Variants in FGF8 observed in about 807,000 individuals in gnomAD.
FGF8 encodes fibroblast growth factor 8.
In FGF8, 12 loss-of-function variants were observed where a neutral mutation model predicts 29.7. The ratio of observed to expected loss-of-function variants is 0.40; its 90% confidence interval spans 0.26 to 0.65. The LOEUF is 0.65. FGF8 is among the 30% of genes least tolerant of loss of function. The pLI, the probability that FGF8 is intolerant of heterozygous loss-of-function variation, is 0.37. For missense variants in FGF8, 271 were observed against 345.1 expected, an observed-to-expected ratio of 0.79 and a Z score of 1.70; for synonymous variants, 157 against 144.4, an observed-to-expected ratio of 1.09 and a Z score of -0.63.
Position 101,772,454 on chromosome 10 carries a change from A to C in FGF8, c.338-885T>G, listed in dbSNP as rs888222320. Among the ~76,000 whole-genome samples the C allele has an allele frequency of 2.6e-5, 4 of 152,104 alleles. No homozygotes were observed. Among genetic ancestry groups the C allele is most frequent in the African/African-American group, 9.7e-5 (4 of 41,424 alleles). ...GGCTGAATTCTATGCCTCCTTTCCC[A>C]TTCCCCTCCCCTTAGACAGCCAACT... On this transcript the variant is annotated intron_variant, in intron 4 of 5. Transcript: ENST00000320185. The surrounding 1 kb of genome is among the most constrained non-coding windows in gnomAD (Gnocchi z 4.4).
chr10:101,776,372 G>A (rs539094463), upstream of FGF8, among the ~76,000 whole-genome samples: 4 of 151,070 alleles, frequency 2.6e-5, no homozygotes, highest in Non-Finnish European at 5.9e-5. Context: ...GGGGACCCGC[G>A]GGAGGGGCGG....
chr10:101,775,229 G>T lies in FGF8; in HGVS notation c.70-13C>A. On this transcript the variant is annotated splice_polypyrimidine_tract_variant and intron_variant, in intron 2 of 5. Transcript: ENST00000320185. This position sits in a 1 kb window ranked among gnomAD's most constrained non-coding sequence, Gnocchi z 4.6. ...TGCCCGGGCCTTCCTAGAGGAGCAG[G>T]GCGCTTTTAAGTAGGGAGGCAGCCC... 6.5e-6 allele frequency: 10 copies of T among 1,542,782 alleles called. No homozygotes were observed. Among genetic ancestry groups the T allele is most frequent in the Non-Finnish European group, 8.8e-6 (10 of 1,142,688 alleles).
chr10:101,779,514 CGCCCCAACCGGCCGAGAAACTCTTG>C (rs1396978501), upstream of FGF8, among the ~76,000 whole-genome samples: 6 of 152,132 alleles, frequency 3.9e-5, no homozygotes, highest in Non-Finnish European at 7.4e-5. This position sits in a 1 kb window ranked among gnomAD's most constrained non-coding sequence, Gnocchi z 5.7. Context: ...GTCCGCGGGG[CGCCCCAACCGGCCGAGAAACTCTTG>C]GGCCGAGAGG....
In FGF8 at chr10:101,771,335, C is replaced by T. The variant is rs1243317155; in HGVS notation, c.444+128G>A. On this transcript the variant is annotated intron_variant, in intron 5 of 5. Coordinates refer to ENST00000320185, the MANE Select transcript of FGF8 (RefSeq NM_033163.5). This position sits in a 1 kb window ranked among gnomAD's most constrained non-coding sequence, Gnocchi z 5.3. The stretch of plus-strand genomic sequence containing the variant: ...CTCCTGCACCCAATCGTGAGGTAAC[C>T]CCAAGATGGCCCTGTGGCCTTCTGC... The T allele has an allele frequency of 1.4e-6, 1 of 734,180 alleles. No homozygotes were observed. The highest frequency in any genetic ancestry group is 1.7e-5 in the African/African-American group (1 of 58,240). The allele number at this position is 734,180 out of a possible 1,614,324, so 45.5% of individuals were successfully genotyped here.
Position 101,775,915 on chromosome 10 carries a change from G to C in FGF8, c.-15C>G, listed in dbSNP as rs1477771518. 2 of 1,233,646 alleles carry C rather than the reference G, an allele frequency of 1.6e-6. No homozygotes were observed. The highest frequency in any genetic ancestry group is 3.3e-5 in the East Asian group (1 of 30,026). 76.4% of individuals were successfully genotyped at this position (1,233,646 alleles called of 1,614,324 possible). A position where few individuals can be genotyped will look rare whatever the true frequency, so the allele number is the denominator to read the frequency against. On this transcript the variant is annotated 5_prime_UTR_variant, in exon 1 of 6. Coordinates refer to ENST00000320185, the MANE Select transcript of FGF8 (RefSeq NM_033163.5). This position sits in a 1 kb window ranked among gnomAD's most constrained non-coding sequence, Gnocchi z 4.6. ...GGGCTGCCCATGGCGCGCGGCCCCG[G>C]GGCACCGAGAGCCCGGCGGGTCACG...
At position 101,775,195 on chromosome 10, in the gene FGF8, C is replaced by T. The variant is rs2065073100; in HGVS notation, c.91G>A (p.Ala31Thr). ...AGGGAAGCGAGCTCCCTGCCCAGCG[C>T]AGGGCCCCTGCCCGGGCCTTCCTAG... ...QAQEGPGRGP[A>T]LGRELASLFR... The change falls in exon 3 of 6, where the codon GCG (alanine) becomes ACG (threonine). Residue 31 changes from alanine (A) to threonine (T), a missense_variant. By Grantham distance (58) the Ala-to-Thr change is moderately conservative. Coordinates refer to ENST00000320185, the MANE Select transcript of FGF8 (RefSeq NM_033163.5). This position sits in a 1 kb window ranked among gnomAD's most constrained non-coding sequence, Gnocchi z 4.6. The T allele has an allele frequency of 2.6e-6, 4 of 1,547,790 alleles. No homozygotes were observed. Among genetic ancestry groups the T allele is most frequent in the Non-Finnish European group, 3.5e-6 (4 of 1,146,720 alleles).
Position 101,771,323 on chromosome 10 carries a change from T to A in FGF8, c.444+140A>T. The A allele has an allele frequency of 5.8e-6, 4 of 691,096 alleles. No individual in the cohort carries two copies. The highest frequency in any genetic ancestry group is 2.7e-5 in the East Asian group (1 of 36,732). 42.8% of individuals were successfully genotyped at this position (691,096 alleles called of 1,614,324 possible). The stretch of plus-strand genomic sequence containing the variant: ...CCTTCTCCCTCACTCCTGCACCCAA[T>A]CGTGAGGTAACCCCAAGATGGCCCT... On this transcript the variant is annotated intron_variant, in intron 5 of 5. Coordinates refer to ENST00000320185, the MANE Select transcript of FGF8 (RefSeq NM_033163.5). The surrounding 1 kb of genome is among the most constrained non-coding windows in gnomAD (Gnocchi z 5.3).
chr10:101,773,484 G>T (rs536672272), intron 4 of FGF8, among the ~76,000 whole-genome samples: 56 of 130,464 alleles, frequency 4.3e-4, no homozygotes, highest in African/African-American at 1.5e-3. Flanking sequence ...TCTCTCCCAT[G>T]TCGGTTGAAT....
chr10:101,775,678 C>G lies in FGF8; in HGVS notation c.69+62G>C. ...AGTCAGTCCCGGTGCCCCCGACCGG[C>G]GCTGCCCACCCGGGTCTCACACCGG... is the stretch of plus-strand genomic sequence containing the variant. On this transcript the variant is annotated intron_variant, in intron 2 of 5. Transcript: ENST00000320185. This position sits in a 1 kb window ranked among gnomAD's most constrained non-coding sequence, Gnocchi z 4.6. 1 of 1,524,460 alleles carries G rather than the reference C, an allele frequency of 6.6e-7. No individual in the cohort carries two copies. The highest frequency in any genetic ancestry group is 1.2e-5 in the South Asian group (1 of 83,430). 94.4% of individuals were successfully genotyped at this position (1,524,460 alleles called of 1,614,324 possible).
chr10:101,775,837 C>CGG lies in FGF8; in HGVS notation c.32+30_32+31dup. 1 of 967,868 alleles carries CGG rather than the reference C, an allele frequency of 1.0e-6. No homozygotes were observed. The highest frequency in any genetic ancestry group is 1.5e-6 in the Non-Finnish European group (1 of 673,690). The allele number at this position is 967,868 out of a possible 1,614,324, so 60.0% of individuals were successfully genotyped here. On this transcript the variant is annotated intron_variant, in intron 1 of 5. Coordinates refer to ENST00000320185, the MANE Select transcript of FGF8 (RefSeq NM_033163.5). This position sits in a 1 kb window ranked among gnomAD's most constrained non-coding sequence, Gnocchi z 4.6. ...CGGGTGAGGCGAGGGGCGCGGGGGG[C>CGG]GGGTGGCGGGGCAGGGCGGCGCGGT...
chr10:101,778,782 G>A (rs962609165), upstream of FGF8, among the ~76,000 whole-genome samples: 4 of 152,184 alleles, frequency 2.6e-5, no homozygotes, highest in African/African-American at 9.7e-5. Context: ...ATGTCCCGCC[G>A]GGCCCCCGCA....
At chr10:101,774,110 A>C (rs1389109066) in intron 4 of FGF8, among the ~76,000 whole-genome samples, 2 of 152,206 alleles carry the variant, frequency 1.3e-5, no homozygotes, top group Non-Finnish European at 2.9e-5. Flanking sequence ...CCCCGTTTCA[A>C]GGCAGGAATA....
At chr10:101,780,148 C>A (rs575559387), upstream of FGF8, 18 of 152,416 alleles carry the variant, frequency 1.2e-4, no homozygotes, top group Middle Eastern at 0.01. Context: ...CTCCGCCGGG[C>A]TCCCCAGGGA....
Position 101,771,662 on chromosome 10 carries a change from AC to A in FGF8, c.338-94del. On this transcript the variant is annotated intron_variant, in intron 4 of 5. Transcript: ENST00000320185. The surrounding 1 kb of genome is among the most constrained non-coding windows in gnomAD (Gnocchi z 5.3). ...CAGCCCAGCAGCAACTGCTCCAAAG[AC>A]CAGGAACCCAAAACATGGACTCCAG... 1 of 957,646 alleles carries A rather than the reference AC, an allele frequency of 1.0e-6. No homozygotes were observed. 59.3% of individuals were successfully genotyped at this position (957,646 alleles called of 1,614,324 possible). A position where few individuals can be genotyped will look rare whatever the true frequency, so the allele number is the denominator to read the frequency against.
chr10:101,774,991 C>A, intron 3 of FGF8, 79 bp from the exon 4 acceptor site: 3 of 1,548,408 alleles, frequency 1.9e-6, no homozygotes, highest in Non-Finnish European at 2.7e-6. Context: ...CATCACCCTG[C>A]GTCCCCCTCA....
In FGF8 at chr10:101,775,480, G is replaced by A. The variant is rs1341304614; in HGVS notation, c.69+260C>T. The A allele has an allele frequency of 6.6e-6, 4 of 603,658 alleles. No homozygotes were observed. Among genetic ancestry groups the A allele is most frequent in the Non-Finnish European group, 1.2e-5 (4 of 340,390 alleles). The allele number at this position is 603,658 out of a possible 1,614,324, so 37.4% of individuals were successfully genotyped here. ...TGGGTGTTCCCTATGCCCCCAGCCG[G>A]CGAGGATGCATGGGGGACAGTGCTG... On this transcript the variant is annotated intron_variant, in intron 2 of 5. Coordinates refer to ENST00000320185, the MANE Select transcript of FGF8 (RefSeq NM_033163.5). The surrounding 1 kb of genome is among the most constrained non-coding windows in gnomAD (Gnocchi z 4.6).
rs1228528673 is a variant in FGF8 at position 101,775,939 on chromosome 10, C to T, written c.-39G>A. The T allele has an allele frequency of 3.3e-5, 39 of 1,182,978 alleles. No homozygotes were observed. In the East Asian group the frequency reaches 9.9e-4, roughly 30 times the overall value. The allele number at this position is 1,182,978 out of a possible 1,614,324, so 73.3% of individuals were successfully genotyped here. A position where few individuals can be genotyped will look rare whatever the true frequency, so the allele number is the denominator to read the frequency against. ...GGGGCACCGAGAGCCCGGCGGGTCA[C>T]GCCGTCCCGCGGGCCGCCGCGGGAG... On this transcript the variant is annotated 5_prime_UTR_variant, in exon 1 of 6. It adds an upstream start codon to the 5' untranslated region. Transcript: ENST00000320185. The surrounding 1 kb of genome is among the most constrained non-coding windows in gnomAD (Gnocchi z 4.6).
rs1258461998 is a variant in FGF8, at chr10:101,771,853, T to C, written c.338-284A>G. Among the ~76,000 whole-genome samples the C allele has an allele frequency of 6.6e-6, 1 of 152,256 alleles. No homozygotes were observed. Among genetic ancestry groups the C allele is most frequent in the Non-Finnish European group, 1.5e-5 (1 of 68,050 alleles). On this transcript the variant is annotated intron_variant, in intron 4 of 5. Coordinates refer to ENST00000320185, the MANE Select transcript of FGF8 (RefSeq NM_033163.5). The surrounding 1 kb of genome is among the most constrained non-coding windows in gnomAD (Gnocchi z 5.3). ...TCAAATTGAAAAGGCTGAAGTGCCA[T>C]TCCTTCCACCCTCTTTTTAAACCAG...
In FGF8 at chr10:101,772,991, C is replaced by T. The variant is rs916673386; in HGVS notation, c.338-1422G>A. ...AGGATGCCACTCTGGGGATTCTGGC[C>T]AGATGCGGCAGGCAGGGATGAAGTA... is the stretch of plus-strand genomic sequence containing the variant. On this transcript the variant is annotated intron_variant, in intron 4 of 5. Coordinates refer to ENST00000320185, the MANE Select transcript of FGF8 (RefSeq NM_033163.5). The surrounding 1 kb of genome is among the most constrained non-coding windows in gnomAD (Gnocchi z 4.4). Among the ~76,000 whole-genome samples the T allele has an allele frequency of 6.6e-6, 1 of 152,174 alleles. No homozygotes were observed. Among genetic ancestry groups the T allele is most frequent in the Admixed American group, 6.5e-5 (1 of 15,282 alleles).
Sources: gnomAD v4.1 joint callset for allele counts (sites outside exome capture counted in the v4.1 genomes callset) on GRCh38, gnomAD v4.1.1 for gene constraint, Gnocchi (gnomAD v3.1) non-coding constraint, MANE v1.5 for transcripts, NCBI Gene and HGNC (gene_info 2026-07-23, HGNC 2026-07-21) for gene names.